The following TOP6BL variants were observed in gnomAD, a reference collection of about 807,000 sequenced individuals.
TOP6BL encodes type 2 DNA topoisomerase 6 subunit B-like.
At chr11:66,757,587 A>G in the TOP6BL span, among the ~76,000 whole-genome samples, 1 of 152,086 alleles carries the variant, frequency 6.6e-6, no homozygotes, top group Admixed American at 6.6e-5. Flanking sequence ...TGACTGAGGA[A>G]CTAAAATTTT....
chr11:66,822,297 T>C, the TOP6BL span, among the ~76,000 whole-genome samples: 3 of 152,218 alleles, frequency 2.0e-5, no homozygotes, highest in African/African-American at 7.2e-5. Context: ...GTGTGTCTGT[T>C]TTCTTGATCA....
At chr11:66,798,030 C>G in the TOP6BL span, among the ~76,000 whole-genome samples, 107 of 152,282 alleles carry the variant, frequency 7.0e-4, no homozygotes, top group Admixed American at 2.1e-3. Flanking sequence ...TTATCATCAT[C>G]ATCCGCATTT....
At chr11:66,828,401 C>G in the TOP6BL span, 1 of 1,496,364 alleles carries the variant, frequency 6.7e-7, no homozygotes, top group Non-Finnish European at 9.2e-7. Context: ...TGGGAATCTT[C>G]CATTTTGATA....
the TOP6BL span, among the ~76,000 whole-genome samples, chr11:66,822,997 TA>T: frequency 0.021 from 2,748 of 130,808 alleles, 45 homozygotes; most frequent in African/African-American, 0.052. Context: ...AGACCTGTCT[TA>T]AAAAAAAAAA....
At chr11:66,762,272 T>C in the TOP6BL span, 1 of 492,154 alleles carries the variant, frequency 2.0e-6, no homozygotes, top group Non-Finnish European at 3.7e-6. Flanking sequence ...CTGAGCAGCC[T>C]GAAGGGCGGG....
chr11:66,745,557 C>A, the TOP6BL span, among the ~76,000 whole-genome samples: 1 of 152,164 alleles, frequency 6.6e-6, no homozygotes, highest in Non-Finnish European at 1.5e-5. Context: ...CGGCCGGTGC[C>A]CAATGGGACG....
At chr11:66,841,829 G>A in the TOP6BL span, among the ~76,000 whole-genome samples, 1 of 151,896 alleles carries the variant, frequency 6.6e-6, no homozygotes, top group Non-Finnish European at 1.5e-5. Flanking sequence ...ATAGGAAGTT[G>A]TTTTATGCCT....
chr11:66,820,573 T>G, the TOP6BL span, among the ~76,000 whole-genome samples: 1 of 152,218 alleles, frequency 6.6e-6, no homozygotes, highest in Non-Finnish European at 1.5e-5. Flanking sequence ...AGAGATAATC[T>G]CCCATTTAAA....
the TOP6BL span, among the ~76,000 whole-genome samples, chr11:66,757,617 G>A: frequency 1.3e-5 from 2 of 152,016 alleles, no homozygotes; most frequent in African/African-American, 2.4e-5. Flanking sequence ...ACAGAGTTTC[G>A]CTCTTGTTGC....
the TOP6BL span, among the ~76,000 whole-genome samples, chr11:66,763,679 A>G: frequency 6.6e-6 from 1 of 152,114 alleles, no homozygotes; most frequent in African/African-American, 2.4e-5. Flanking sequence ...ATCATGGCTC[A>G]CTGCAGCCCC....
At chr11:66,759,158 C>A in the TOP6BL span, 3 of 1,139,718 alleles carry the variant, frequency 2.6e-6, no homozygotes, top group East Asian at 2.6e-5. Context: ...TTGATATTTT[C>A]TGAAACAAAT....
At chr11:66,797,711 G>A in the TOP6BL span, among the ~76,000 whole-genome samples, 1 of 152,030 alleles carries the variant, frequency 6.6e-6, no homozygotes, top group Admixed American at 6.6e-5. Flanking sequence ...CGCCATGTTG[G>A]CCAAGCTGAT....
At chr11:66,783,700 C>T in the TOP6BL span, among the ~76,000 whole-genome samples, 1 of 152,026 alleles carries the variant, frequency 6.6e-6, no homozygotes, top group South Asian at 2.1e-4. Context: ...ATTTCTCAGT[C>T]ATTATTTCTT....
At chr11:66,816,178 G>A in the TOP6BL span, 1 of 1,609,430 alleles carries the variant, frequency 6.2e-7, no homozygotes, top group Non-Finnish European at 8.5e-7. Flanking sequence ...TGCATTTCCA[G>A]TCCAGCAAAT....
At chr11:66,750,986 T>G in the TOP6BL span, among the ~76,000 whole-genome samples, 4 of 151,890 alleles carry the variant, frequency 2.6e-5, no homozygotes, top group Non-Finnish European at 5.9e-5. Flanking sequence ...ATTGCAGGTG[T>G]TAGCCACCAC....
chr11:66,779,527 G>C, the TOP6BL span, among the ~76,000 whole-genome samples: 1 of 152,208 alleles, frequency 6.6e-6, no homozygotes. Flanking sequence ...TGCTGGAGAG[G>C]ATGTGGAGAA....
chr11:66,776,229 G>A, the TOP6BL span, among the ~76,000 whole-genome samples: 251 of 151,936 alleles, frequency 1.7e-3, no homozygotes, highest in African/African-American at 5.7e-3. Flanking sequence ...TGGGTAACTT[G>A]TGTATTTTTA....
the TOP6BL span, among the ~76,000 whole-genome samples, chr11:66,746,453 G>A: frequency 6.6e-6 from 1 of 152,032 alleles, no homozygotes. Flanking sequence ...GGTGGCTCAC[G>A]CCTGTAATCC....
the TOP6BL span, among the ~76,000 whole-genome samples, chr11:66,814,293 C>CT: frequency 1.5e-4 from 23 of 152,092 alleles, no homozygotes; most frequent in Non-Finnish European, 2.6e-4. Context: ...GAGTCTTGCT[C>CT]TGTTGCCCAG....
Sources: allele counts gnomAD v4.1 joint callset (sites outside exome capture counted in the v4.1 genomes callset), GRCh38; gene constraint gnomAD v4.1.1; transcripts MANE v1.5; gene names NCBI Gene and HGNC (gene_info 2026-07-23, HGNC 2026-07-21).